The following MID1 variants were observed in gnomAD, a reference collection of about 807,000 sequenced individuals.
MID1 encodes the protein E3 ubiquitin-protein ligase Midline-1.
Under a neutral mutation model 40.4 loss-of-function variants are expected in MID1, and 7 were observed. That is an observed-to-expected ratio of 0.17 (90% CI 0.10 to 0.33). MID1 has a LOEUF of 0.33. MID1 is among the 10% of genes least tolerant of loss of function. The probability of loss-of-function intolerance (pLI) is 1.00; values close to 1 mark genes in which losing one functional copy is unlikely to be tolerated. For synonymous variants in MID1, 229 were observed against 221.2 expected (o/e 1.04, Z -0.31); for missense variants, 367 against 558.5 (o/e 0.66, Z 3.46).
chrX:10,786,720 A>G (rs1166531151), intron 1 of MID1, among the ~76,000 whole-genome samples: 1 of 107,103 alleles, frequency 9.3e-6, no homozygotes, highest in Non-Finnish European at 1.9e-5. Flanking sequence ...CACAAGGACA[A>G]AAAACCAAAC....
Position 10,731,966 on chromosome X carries a change from C to CAAA in MID1, c.-187+101585_-187+101587dup, listed in dbSNP as rs754605735. On this transcript the variant is annotated intron_variant, in intron 1 of 10. Coordinates refer to the MID1 transcript ENST00000380785. ...TGGGCGACAGAGCAAGAATCTATCA[C>CAAA]AAAAAAAAAAAAAAAAAAAAAAAAA... Among the ~76,000 whole-genome samples, 44 of 26,640 alleles carry CAAA rather than the reference C, an allele frequency of 1.7e-3. 2 individuals carry two copies. The highest frequency in any genetic ancestry group is 3.8e-3 in the African/African-American group (40 of 10,416). 23.1% of individuals were successfully genotyped at this position (26,640 alleles called of 115,157 possible).
chrX:10,775,150 T>G (rs1335988974), intron 1 of MID1, among the ~76,000 whole-genome samples: 22 of 77,367 alleles, frequency 2.8e-4, no homozygotes, highest in South Asian at 7.2e-4. Context: ...GGAGGGGAGA[T>G]GGAGGGGGAG....
intron 1 of MID1, among the ~76,000 whole-genome samples, chrX:10,819,222 T>TGAGAGAGA (rs367912071): frequency 9.8e-6 from 1 of 101,870 alleles, no homozygotes; most frequent in Non-Finnish European, 2.0e-5. Context: ...ACAGAGACAG[T>TGAGAGAGA]GAGAGAGAGA....
At chrX:10,763,517 A>G (rs1013212298) in intron 1 of MID1, among the ~76,000 whole-genome samples, 1 of 111,729 alleles carries the variant, frequency 9.0e-6, no homozygotes, top group African/African-American at 3.3e-5. Flanking sequence ...ATGGCTGCGT[A>G]GTATTCCACG....
chrX:10,700,761 CTGTT>C (rs1463882304), intron 1 of MID1, among the ~76,000 whole-genome samples: 1 of 111,652 alleles, frequency 9.0e-6, no homozygotes, highest in East Asian at 2.8e-4. Flanking sequence ...AAATTTTTGA[CTGTT>C]TGGAAAAAAG....
chrX:10,685,069 A>C (rs1284253339), intron 1 of MID1, among the ~76,000 whole-genome samples: 1 of 112,244 alleles, frequency 8.9e-6, no homozygotes, highest in Non-Finnish European at 1.9e-5. Context: ...TTATTGCTAC[A>C]TAGTATTCTA....
chrX:10,600,900 T>C (rs1471192948), intron 1 of MID1, among the ~76,000 whole-genome samples: 3 of 111,721 alleles, frequency 2.7e-5, no homozygotes, highest in South Asian at 3.8e-4. Context: ...AACTTTGCTG[T>C]TAAAATTCAG....
intron 5 of MID1, among the ~76,000 whole-genome samples, chrX:10,475,965 A>G (rs1330703836): frequency 9.0e-6 from 1 of 111,527 alleles, no homozygotes; most frequent in African/African-American, 3.3e-5. Flanking sequence ...GGATTTACAA[A>G]TGTAATATAT....
chrX:10,626,457 A>G (rs1185233278), intron 1 of MID1, among the ~76,000 whole-genome samples: 1 of 110,496 alleles, frequency 9.1e-6, no homozygotes, highest in Admixed American at 9.7e-5. Flanking sequence ...CTCCTGCCTC[A>G]GCCTCCCAAG....
chrX:10,757,127 C>T (rs1315952339), intron 1 of MID1, among the ~76,000 whole-genome samples: 1 of 111,516 alleles, frequency 9.0e-6, no homozygotes, highest in Non-Finnish European at 1.9e-5. Flanking sequence ...TGGGTTTGAC[C>T]CCGTCAGAAT....
rs1012142560 is a variant in MID1, at chrX:10,480,391, T to C, written c.1013+2089A>G. Among the ~76,000 whole-genome samples, 10 of 112,070 alleles carry C rather than the reference T, an allele frequency of 8.9e-5. No homozygotes were observed. In the Admixed American group the frequency reaches 9.4e-4, roughly 11 times the overall value. ...ATGGGGTCACATCATCCCTGGTCAC[T>C]AGGTAAGAATTTATTCATGTGACAC... On this transcript the variant is annotated intron_variant, in intron 5 of 9. Coordinates refer to ENST00000317552, the MANE Select transcript of MID1 (RefSeq NM_000381.4).
chrX:10,582,313 A>G (rs1935038069), intron 1 of MID1, among the ~76,000 whole-genome samples: 1 of 111,812 alleles, frequency 8.9e-6, no homozygotes, highest in African/African-American at 3.3e-5. Flanking sequence ...TACTACCTCT[A>G]TCTCCCAAGA....
At chrX:10,509,154 G>A (rs1230980975) in intron 3 of MID1, among the ~76,000 whole-genome samples, 1 of 111,382 alleles carries the variant, frequency 9.0e-6, no homozygotes, top group Non-Finnish European at 1.9e-5. Flanking sequence ...AAAGGACAGT[G>A]AAGAGCAAAG....
At chrX:10,825,581 TC>T (rs1484574821) in intron 1 of MID1, among the ~76,000 whole-genome samples, 4 of 112,011 alleles carry the variant, frequency 3.6e-5, no homozygotes, top group African/African-American at 1.3e-4. Context: ...CCTATAGTCC[TC>T]TTAGAAATGA....
intron 3 of MID1, among the ~76,000 whole-genome samples, chrX:10,508,162 T>G (rs551193323): frequency 1.8e-5 from 2 of 112,043 alleles, no homozygotes; most frequent in South Asian, 3.7e-4. Flanking sequence ...AAGAATGACT[T>G]CACTAGAGAA....
intron 1 of MID1, among the ~76,000 whole-genome samples, chrX:10,715,407 C>A (rs1047945761): frequency 1.9e-4 from 21 of 112,475 alleles, no homozygotes; most frequent in South Asian, 1.5e-3. Flanking sequence ...TATCCCATGC[C>A]TGGCTCGGAG....
intron 1 of MID1, among the ~76,000 whole-genome samples, chrX:10,706,271 A>G: frequency 9.0e-6 from 1 of 111,489 alleles, no homozygotes; most frequent in Non-Finnish European, 1.9e-5. Context: ...GGGAACCTCT[A>G]CTTAGCCTGG....
chrX:10,687,182 A>G (rs1255702006), intron 1 of MID1, among the ~76,000 whole-genome samples: 1 of 112,001 alleles, frequency 8.9e-6, no homozygotes, highest in African/African-American at 3.2e-5. Flanking sequence ...CAAGTAACAT[A>G]GTTGGGCCAA....
At chrX:10,562,371 T>TAAAA (rs760465620) in intron 2 of MID1, among the ~76,000 whole-genome samples, 8 of 44,851 alleles carry the variant, frequency 1.8e-4, no homozygotes, top group African/African-American at 3.5e-4. Flanking sequence ...GAACTTAAAG[T>TAAAA]AAAAAAAAAA....
Sources: allele counts gnomAD v4.1 joint callset (sites outside exome capture counted in the v4.1 genomes callset), GRCh38; gene constraint gnomAD v4.1.1; transcripts MANE v1.5; gene names NCBI Gene and HGNC (gene_info 2026-07-23, HGNC 2026-07-21).